RNF150: variants seen among roughly 807,000 people sequenced by gnomAD.
RNF150 encodes the protein ring finger protein 150.
Under a neutral mutation model 39.3 loss-of-function variants are expected in RNF150, and 24 were observed. The ratio of observed to expected loss-of-function variants is 0.61; its 90% confidence interval spans 0.44 to 0.86. RNF150 has a LOEUF of 0.86. RNF150 is among the 40% of genes least tolerant of loss of function. The probability of loss-of-function intolerance (pLI) is 0.00; values close to 1 mark genes in which losing one functional copy is unlikely to be tolerated. For synonymous variants in RNF150, 255 were observed against 227.3 expected (o/e 1.12, Z -1.10); for missense variants, 502 against 587.8 (o/e 0.85, Z 1.51).
At chr4:140,980,240 A>C (rs1446760881) in intron 1 of RNF150, among the ~76,000 whole-genome samples, 1 of 151,804 alleles carries the variant, frequency 6.6e-6, no homozygotes, top group African/African-American at 2.4e-5. Flanking sequence ...ATGGGGTTTC[A>C]CTATGTTGGC....
chr4:141,140,020 T>C (rs1727092341), intron 1 of RNF150, among the ~76,000 whole-genome samples: 1 of 152,218 alleles, frequency 6.6e-6, no homozygotes, highest in African/African-American at 2.4e-5. Flanking sequence ...GTAAGTTTTC[T>C]TAGCATTGGT....
At chr4:141,064,638 T>C (rs866584157) in intron 1 of RNF150, among the ~76,000 whole-genome samples, 4 of 151,862 alleles carry the variant, frequency 2.6e-5, no homozygotes, top group Admixed American at 1.3e-4. Context: ...TTAAAAAATA[T>C]AAAGATAATT....
At chr4:141,129,257 T>C (rs1726833268) in intron 1 of RNF150, among the ~76,000 whole-genome samples, 2 of 152,226 alleles carry the variant, frequency 1.3e-5, no homozygotes, top group Admixed American at 6.5e-5. Flanking sequence ...GATATATCCA[T>C]ACAACGAAAT....
chr4:141,006,295 T>TAC (rs55837616), intron 1 of RNF150, among the ~76,000 whole-genome samples: 2,156 of 129,210 alleles, frequency 0.017, 32 homozygotes, highest in East Asian at 0.054. Flanking sequence ...CGTATATATA[T>TAC]ACACACACAC....
chr4:141,116,390 A>G (rs953285276), intron 1 of RNF150, among the ~76,000 whole-genome samples: 4 of 152,226 alleles, frequency 2.6e-5, no homozygotes, highest in African/African-American at 9.6e-5. Context: ...TATGAAAAAA[A>G]GCTCATCATC....
intron 6 of RNF150, among the ~76,000 whole-genome samples, chr4:140,870,524 C>A (rs919535829): frequency 2.0e-5 from 3 of 151,780 alleles, no homozygotes; most frequent in African/African-American, 7.3e-5. Flanking sequence ...CCACCTGGTG[C>A]CTTTGATCCC....
intron 1 of RNF150, among the ~76,000 whole-genome samples, chr4:141,124,878 A>T (rs560428048): frequency 6.6e-6 from 1 of 152,238 alleles, no homozygotes; most frequent in Non-Finnish European, 1.5e-5. Flanking sequence ...TATTTCTAAA[A>T]TATTTTTAAA....
intron 1 of RNF150, among the ~76,000 whole-genome samples, chr4:141,087,263 C>G (rs1435841153): frequency 1.3e-5 from 2 of 152,112 alleles, no homozygotes. Flanking sequence ...TGAATTAGTT[C>G]AGTAAGGATG....
chr4:140,981,739 T>C (rs1464192658), intron 1 of RNF150, among the ~76,000 whole-genome samples: 8 of 152,192 alleles, frequency 5.3e-5, no homozygotes, highest in Admixed American at 3.9e-4. Context: ...TAAAAGGTTA[T>C]AGTGCATTGT....
intron 5 of RNF150, among the ~76,000 whole-genome samples, chr4:140,919,607 C>T (rs1267495428): frequency 3.3e-5 from 5 of 149,736 alleles, no homozygotes; most frequent in Admixed American, 2.7e-4. Context: ...AATGGCCATA[C>T]TGCCCAAGGT....
chr4:141,128,669 C>G (rs1418992494), intron 1 of RNF150, among the ~76,000 whole-genome samples: 3 of 151,962 alleles, frequency 2.0e-5, no homozygotes, highest in African/African-American at 7.3e-5. Context: ...AAAGATACAG[C>G]CTTATGTCCC....
chr4:140,871,999 C>A (rs557657829), intron 6 of RNF150, among the ~76,000 whole-genome samples: 2 of 152,284 alleles, frequency 1.3e-5, no homozygotes, highest in East Asian at 3.9e-4. Context: ...ATCATCTAAT[C>A]ATTTTCCATT....
chr4:140,943,902 T>A (rs1732187036), intron 4 of RNF150, among the ~76,000 whole-genome samples: 1 of 152,186 alleles, frequency 6.6e-6, no homozygotes, highest in Non-Finnish European at 1.5e-5. Flanking sequence ...TTGGTGATAA[T>A]GCTATAGGGA....
rs750681797 is a variant in RNF150 at position 140,911,179 on chromosome 4, A to G, written c.1163T>C (p.Ile388Thr). ...AAAGATGACGTCTCCCTCCTGGGGGATGGGGTCTGTATCCTGGACCACCTG... is the reference window on the plus strand; with the variant it reads ...AAAGATGACGTCTCCCTCCTGGGGGGTGGGGTCTGTATCCTGGACCACCTG... ...ALQVVQDTDPIPQEGDVIFTT... is the reference protein window; with the variant it reads ...ALQVVQDTDPTPQEGDVIFTT... The change falls in exon 6 of 7, where the codon ATC becomes ACC. Residue 388 changes from isoleucine to threonine, a missense_variant. Ile to Thr is a moderately conservative substitution (Grantham distance 89). Transcript: ENST00000515673. 1 of 1,613,940 alleles carries G rather than the reference A, an allele frequency of 6.2e-7. No homozygotes were observed. The highest frequency in any genetic ancestry group is 1.7e-5 in the Admixed American group (1 of 59,994).
chr4:141,112,618 T>C lies in RNF150; in HGVS notation c.484+19707A>G, dbSNP rs142830002. ...TGGTGTTTGTCTGATGGGCTTCACTTTGTGGGTAACCCAATCTTCTCTCTG... is the reference window on the plus strand; with the variant it reads ...TGGTGTTTGTCTGATGGGCTTCACTCTGTGGGTAACCCAATCTTCTCTCTG... On this transcript the variant is annotated intron_variant, in intron 1 of 6. Coordinates refer to ENST00000515673, the MANE Select transcript of RNF150 (RefSeq NM_020724.2). Among the ~76,000 whole-genome samples the C allele has an allele frequency of 4.6e-5, 7 of 152,298 alleles. No individual in the cohort carries two copies. In the South Asian group the frequency reaches 8.3e-4, roughly 18 times the overall value.
chr4:140,970,902 T>C (rs1227023239), intron 1 of RNF150, among the ~76,000 whole-genome samples: 1 of 152,086 alleles, frequency 6.6e-6, no homozygotes, highest in Non-Finnish European at 1.5e-5. Context: ...ACAGATGAGA[T>C]TTTGGGAGAT....
intron 6 of RNF150, among the ~76,000 whole-genome samples, chr4:140,898,293 AGTT>A (rs1228635367): frequency 2.0e-5 from 2 of 99,578 alleles, no homozygotes; most frequent in African/African-American, 6.7e-5. Flanking sequence ...TTTTTTTTTG[AGTT>A]GTTCTTTCTC....
At chr4:140,941,831 A>C (rs539015322) in intron 4 of RNF150, among the ~76,000 whole-genome samples, 131 of 152,322 alleles carry the variant, frequency 8.6e-4, no homozygotes, top group Non-Finnish European at 1.6e-3. Flanking sequence ...TAAATATATA[A>C]AATTATCACT....
rs941303599 is a variant in RNF150 at position 141,179,672 on chromosome 4, C to T, written c.-6+33122G>A. ...CCACAGACAGAAATCTGGTTAAGGG[C>T]AACCTCTAGATAAGCAATAGATATC... On this transcript the variant is annotated intron_variant, in intron 1 of 7. Coordinates refer to the RNF150 transcript ENST00000420921. 3.3e-5 allele frequency among the ~76,000 whole-genome samples: 5 copies of T among 152,126 alleles called. No individual in the cohort carries two copies. The East Asian group carries it at 5.8e-4, about 18-fold the overall frequency.
Sources: gnomAD v4.1 joint callset for allele counts (sites outside exome capture counted in the v4.1 genomes callset) on GRCh38, gnomAD v4.1.1 for gene constraint, MANE v1.5 for transcripts, NCBI Gene and HGNC (gene_info 2026-07-23, HGNC 2026-07-21) for gene names.